The following CSF2RA variants were observed in gnomAD, a reference collection of about 807,000 sequenced individuals.
CSF2RA encodes granulocyte-macrophage colony-stimulating factor receptor subunit alpha.
Under a neutral mutation model 51.6 loss-of-function variants are expected in CSF2RA, and 42 were observed. The observed-to-expected ratio is 0.81, with a 90% CI of 0.64 to 1.05. CSF2RA has a LOEUF of 1.05. Ranked by LOEUF, CSF2RA falls within the 50% of genes least tolerant of loss-of-function variation. CSF2RA has a pLI of 0.00. For missense variants in CSF2RA, 530 were observed against 501.1 expected, an observed-to-expected ratio of 1.06 and a Z score of -0.55; for synonymous variants, 222 against 193.0, an observed-to-expected ratio of 1.15 and a Z score of -1.24.
At chrX:1,274,058 A>T (rs1405092858) in intron 1 of CSF2RA, among the ~76,000 whole-genome samples, 14 of 152,088 alleles carry the variant, frequency 9.2e-5, no homozygotes, top group African/African-American at 2.9e-4. Flanking sequence ...AGAAAGGGGA[A>T]AGAAAACTCA....
rs2148243374 is a variant in CSF2RA, at chrX:1,282,730, G to A, written c.27G>A (p.Leu9=). 1.9e-6 allele frequency: 3 copies of A among 1,613,862 alleles called. No individual in the cohort carries two copies. The highest frequency in any genetic ancestry group is 2.5e-6 in the Non-Finnish European group (3 of 1,179,814). MLLLVTSL[L]LCELPHPAFL... ...TGCTTCTCCTGGTGACAAGCCTTCT[G>A]CTCTGTGAGTTACCACACCCAGCAT... Residue 9 remains leucine (L), a synonymous_variant, in exon 3 of 13, where the codon CTG becomes CTA. Coordinates refer to ENST00000381529, the MANE Select transcript of CSF2RA (RefSeq NM_172245.4).
intron 1 of CSF2RA, among the ~76,000 whole-genome samples, chrX:1,270,898 G>T (rs112067770): frequency 1.2e-4 from 9 of 76,996 alleles, no homozygotes; most frequent in East Asian, 6.9e-4. Flanking sequence ...AAAATTAGCC[G>T]GGGCGTGGTG....
the CSF2RA span, among the ~76,000 whole-genome samples, chrX:1,325,205 A>C: frequency 6.8e-6 from 1 of 148,112 alleles, no homozygotes; most frequent in Non-Finnish European, 1.5e-5. Flanking sequence ...ACTAAAATAC[A>C]CAAAAAAATT....
At chrX:1,290,724 G>A (rs1391757356) in intron 7 of CSF2RA, among the ~76,000 whole-genome samples, 3 of 152,124 alleles carry the variant, frequency 2.0e-5, no homozygotes, top group African/African-American at 7.2e-5. Context: ...AATTAGCCGG[G>A]CATGGTGGCG....
At chrX:1,281,032 TCCTCATTCTCCTCCTGCTCC>T (rs2089941315) in intron 2 of CSF2RA, among the ~76,000 whole-genome samples, 1 of 78,790 alleles carries the variant, frequency 1.3e-5, no homozygotes, top group Non-Finnish European at 2.8e-5. Context: ...CTTCTCCTCC[TCCTCATTCTCCTCCTGCTCC>T]CCTTCTCCTC....
chrX:1,290,237 GT>G, intron 6 of CSF2RA, 99 bp from the exon 7 acceptor site: 1 of 966,528 alleles, frequency 1.0e-6, no homozygotes. Flanking sequence ...TGTGTTTTGT[GT>G]TTTTGTGTTT....
At chrX:1,290,722 G>A (rs1262070681) in intron 7 of CSF2RA, among the ~76,000 whole-genome samples, 4 of 151,904 alleles carry the variant, frequency 2.6e-5, no homozygotes, top group Admixed American at 6.6e-5. Context: ...AAAATTAGCC[G>A]GGCATGGTGG....
chrX:1,316,287 T>C, the CSF2RA span, among the ~76,000 whole-genome samples: 1 of 148,372 alleles, frequency 6.7e-6, no homozygotes, highest in Non-Finnish European at 1.5e-5. Flanking sequence ...GATAGATAGA[T>C]AGATAGATAG....
At chrX:1,318,625 A>T in the CSF2RA span, among the ~76,000 whole-genome samples, 2 of 149,096 alleles carry the variant, frequency 1.3e-5, no homozygotes, top group African/African-American at 4.9e-5. Flanking sequence ...TGGGAAGACA[A>T]TTGCAAAGCT....
At chrX:1,300,795 CG>C (rs1319805917) in intron 10 of CSF2RA, among the ~76,000 whole-genome samples, 169 bp downstream of exon 10, 2 of 152,080 alleles carry the variant, frequency 1.3e-5, no homozygotes, top group Non-Finnish European at 2.9e-5. Context: ...GAGGTGGTCT[CG>C]TACTTGGTCC....
intron 9 of CSF2RA, among the ~76,000 whole-genome samples, chrX:1,299,835 G>A (rs1483803084): frequency 2.6e-5 from 4 of 152,174 alleles, no homozygotes; most frequent in South Asian, 2.1e-4. Context: ...GGAGAATGGC[G>A]TGAACCCGGG....
At chrX:1,298,769 T>C (rs1281255313) in intron 9 of CSF2RA, among the ~76,000 whole-genome samples, 1 of 151,038 alleles carries the variant, frequency 6.6e-6, no homozygotes, top group Non-Finnish European at 1.5e-5. Flanking sequence ...AGTGTAACCC[T>C]ATAGTCCCCT....
At chrX:1,306,863 G>A (rs774818780) in intron 12 of CSF2RA, among the ~76,000 whole-genome samples, 33 of 100,700 alleles carry the variant, frequency 3.3e-4, no homozygotes, top group African/African-American at 1.2e-3. Context: ...ACAGAGAGGG[G>A]AGAGAGAGAG....
At chrX:1,314,285 T>TGCATCTGCCCAACCACACA (rs2084335869), downstream of CSF2RA, among the ~76,000 whole-genome samples, 1 of 48,314 alleles carries the variant, frequency 2.1e-5, no homozygotes, top group African/African-American at 8.9e-5. Context: ...CCAACCCCAC[T>TGCATCTGCCCAACCACACA]GCATCTGCCC....
intron 1 of CSF2RA, among the ~76,000 whole-genome samples, chrX:1,272,825 CTT>C (rs769498285): frequency 0.29 from 37,755 of 131,400 alleles, 6,161 homozygotes; most frequent in African/African-American, 0.48. Flanking sequence ...TTCTTTTTTT[CTT>C]TTTTTTTTTT....
chrX:1,278,908 C>G (rs1361937554), intron 2 of CSF2RA, among the ~76,000 whole-genome samples: 11 of 149,476 alleles, frequency 7.4e-5, no homozygotes, highest in African/African-American at 2.7e-4. Context: ...CGTGTTGGTG[C>G]GTGCCTGTAG....
chrX:1,307,160 G>A (rs1315275650), intron 12 of CSF2RA, among the ~76,000 whole-genome samples: 4 of 152,168 alleles, frequency 2.6e-5, no homozygotes, highest in Admixed American at 2.0e-4. Flanking sequence ...GGAAAGTCAG[G>A]CCAGGGCTGA....
At chrX:1,322,226 C>A in the CSF2RA span, among the ~76,000 whole-genome samples, 3 of 151,566 alleles carry the variant, frequency 2.0e-5, no homozygotes, top group African/African-American at 7.3e-5. Context: ...CTGTCTCAGC[C>A]TCCCGAGTAG....
At chrX:1,302,067 C>T (rs1374867854) in intron 10 of CSF2RA, among the ~76,000 whole-genome samples, 4 of 151,120 alleles carry the variant, frequency 2.6e-5, no homozygotes, top group South Asian at 2.1e-4. Flanking sequence ...CAGGCGCCCG[C>T]CACCACACCC....
Sources: gnomAD v4.1 joint callset for allele counts (sites outside exome capture counted in the v4.1 genomes callset) on GRCh38, gnomAD v4.1.1 for gene constraint, MANE v1.5 for transcripts, NCBI Gene and HGNC (gene_info 2026-07-23, HGNC 2026-07-21) for gene names.